Variants in C14orf39 observed in about 807,000 individuals in gnomAD.
C14orf39 encodes the protein protein SIX6OS1.
C14orf39 carries 66 observed loss-of-function variants against 85.6 expected under a neutral mutation model. The observed-to-expected ratio is 0.77, with a 90% CI of 0.63 to 0.95. C14orf39 has a LOEUF of 0.95. Ranked by LOEUF, C14orf39 falls within the 40% of genes least tolerant of loss-of-function variation. The pLI is 0.00. For synonymous variants in C14orf39, 242 were observed against 214.0 expected (o/e 1.13, Z -1.14); for missense variants, 735 against 663.9 (o/e 1.11, Z -1.18).
intron 16 of C14orf39, among the ~76,000 whole-genome samples, chr14:60,445,769 G>C (rs1040241067): frequency 6.6e-6 from 1 of 152,162 alleles, no homozygotes; most frequent in South Asian, 2.1e-4. Flanking sequence ...ATTCTTCTCA[G>C]CACCACATTG....
chr14:60,459,165 T>A (rs1891410075), intron 13 of C14orf39, among the ~76,000 whole-genome samples: 2 of 151,780 alleles, frequency 1.3e-5, no homozygotes. Context: ...ATGTTTTGGT[T>A]TTTGTTTTGC....
chr14:60,499,949 T>C lies in C14orf39; in HGVS notation c.-143-519A>G, dbSNP rs1464753699. ...ATGCCCATTTTAAAAAATGAGAAATTATTTTTCATCTATCAAGTTGGGAAA... is the reference window on the plus strand; with the variant it reads ...ATGCCCATTTTAAAAAATGAGAAATCATTTTTCATCTATCAAGTTGGGAAA... On this transcript the variant is annotated intron_variant, in intron 1 of 5. Transcript: ENST00000556799. Among the ~76,000 whole-genome samples the C allele has an allele frequency of 2.0e-5, 3 of 152,204 alleles. No homozygotes were observed. In the East Asian group the frequency reaches 5.8e-4, roughly 29 times the overall value.
rs371871620 is a variant in C14orf39 at position 60,455,065 on chromosome 14, G to A, written c.1439C>T (p.Ser480Phe). 30 of 1,579,058 alleles carry A rather than the reference G, an allele frequency of 1.9e-5. No homozygotes were observed. Among genetic ancestry groups the A allele is most frequent in the Non-Finnish European group, 2.5e-5 (29 of 1,166,206 alleles). ...PGLSFLMSYT[S>F]RSPGLNLFDS... ...AAATAAATTCAATCCAGGTGATCTA[G>A]AAGTATAACTCATAAGAAAAGAAAG... The change falls in exon 16 of 18, where the codon TCT becomes TTT. Residue 480 changes from serine (S) to phenylalanine (F), a missense_variant. Transcript: ENST00000321731.
At chr14:60,449,224 A>C (rs1460416158) in intron 16 of C14orf39, among the ~76,000 whole-genome samples, 2 of 152,110 alleles carry the variant, frequency 1.3e-5, no homozygotes, top group Non-Finnish European at 2.9e-5. Flanking sequence ...AATCAAACCC[A>C]ATTATTTTCT....
At chr14:60,483,666 A>G in intron 4 of C14orf39, 25 bp downstream of exon 4, 1 of 1,563,888 alleles carries the variant, frequency 6.4e-7, no homozygotes, top group Non-Finnish European at 8.7e-7. Context: ...GAATGCAATG[A>G]AAATTGATTC....
In C14orf39 at chr14:60,483,833, G is replaced by A; in HGVS notation, c.107-16C>T. 1 of 1,451,850 alleles carries A rather than the reference G, an allele frequency of 6.9e-7. No homozygotes were observed. The highest frequency in any genetic ancestry group is 9.5e-7 in the Non-Finnish European group (1 of 1,056,514). 89.9% of individuals were successfully genotyped at this position (1,451,850 alleles called of 1,614,324 possible). ...TCACAGCATTCTACAAAGAGAAAAT[G>A]TTTATTTTCTTAATGTAGAAATAAT... On this transcript the variant is annotated splice_polypyrimidine_tract_variant and intron_variant, in intron 3 of 17. Transcript: ENST00000321731.
At chr14:60,471,299 T>G (rs1595471926) in intron 7 of C14orf39, 118 bp downstream of exon 7, 1 of 884,816 alleles carries the variant, frequency 1.1e-6, no homozygotes, top group Non-Finnish European at 1.7e-6. Context: ...TTTTTAAATA[T>G]TTTAATTAAA....
intron 5 of C14orf39, among the ~76,000 whole-genome samples, chr14:60,477,746 C>T (rs934280791): frequency 1.3e-5 from 2 of 152,168 alleles, no homozygotes; most frequent in Non-Finnish European, 2.9e-5. Flanking sequence ...TTGATGGACT[C>T]TGCTATAATA....
chr14:60,466,177 TA>T, intron 10 of C14orf39, 122 bp from the exon 11 acceptor site: 1 of 443,098 alleles, frequency 2.3e-6, no homozygotes, highest in Non-Finnish European at 3.9e-6. Flanking sequence ...TAATTTAAAT[TA>T]AAATACGGAA....
intron 17 of C14orf39, among the ~76,000 whole-genome samples, chr14:60,441,698 T>A (rs753314913): frequency 6.7e-6 from 1 of 150,012 alleles, no homozygotes; most frequent in Non-Finnish European, 1.5e-5. Context: ...AATTAATCAA[T>A]CAAAGGAAAA....
rs752890473 is a variant in C14orf39 at position 60,468,454 on chromosome 14, A to T, written c.758T>A (p.Leu253Gln). The part of the protein sequence containing the change: ...KNKNTENRKE[L>Q]KERIFGKDEH... ...TAAAGGTTACCTATACCTTTCTTTC[A>T]GTTCTTTTCTGTTTTCTGTATTTTT... Residue 253 changes from leucine (L) to glutamine (Q), a missense_variant, in exon 9 of 18, where the codon CTG becomes CAG. Physicochemically the swap from Leu to Gln is moderately radical, Grantham distance 113. Transcript: ENST00000321731. The T allele has an allele frequency of 1.3e-6, 2 of 1,575,722 alleles. No homozygotes were observed. Among genetic ancestry groups the T allele is most frequent in the South Asian group, 1.2e-5 (1 of 85,604 alleles).
chr14:60,500,752 C>T (rs1468812952), intron 1 of C14orf39, among the ~76,000 whole-genome samples: 1 of 152,108 alleles, frequency 6.6e-6, no homozygotes, highest in East Asian at 1.9e-4. Flanking sequence ...ATGCACCTAG[C>T]ACTAATAGTA....
rs138630974 is a variant in C14orf39, at chr14:60,479,095, A to T, written c.234-706T>A. 6.9e-3 allele frequency among the ~76,000 whole-genome samples: 1,053 copies of T among 152,260 alleles called. 12 individuals are homozygous for T. The highest frequency in any genetic ancestry group is 0.024 in the African/African-American group (982 of 41,552). On this transcript the variant is annotated intron_variant, in intron 4 of 17. Transcript: ENST00000321731. ...CATGCCCAATTTGGAAGCACAGAAAAGTATGTGTAAGAAAATAACTATTAA... is the reference window on the plus strand; with the variant it reads ...CATGCCCAATTTGGAAGCACAGAAATGTATGTGTAAGAAAATAACTATTAA...
intron 1 of C14orf39, chr14:60,509,022 C>A: frequency 3.5e-6 from 1 of 287,438 alleles, no homozygotes; most frequent in Non-Finnish European, 6.6e-6. Context: ...TAACGGCGGG[C>A]GCTGTCGAGC....
At chr14:60,511,517 T>C (rs1319919326) in intron 1 of C14orf39, 1 of 580,828 alleles carries the variant, frequency 1.7e-6, no homozygotes, top group African/African-American at 1.9e-5. Context: ...CTAAGGATTT[T>C]GCTGCAAAGT....
chr14:60,474,535 G>T (rs1483924717), intron 5 of C14orf39, among the ~76,000 whole-genome samples: 1 of 150,156 alleles, frequency 6.7e-6, no homozygotes, highest in Non-Finnish European at 1.5e-5. Context: ...TTGGCTGTGG[G>T]TTTGTCATAA....
At chr14:60,494,155 G>A in intron 2 of C14orf39, 1 of 318,004 alleles carries the variant, frequency 3.1e-6, no homozygotes. Flanking sequence ...ATTTCCTTGG[G>A]AAACATTTCT....
At position 60,469,649 on chromosome 14, in the gene C14orf39, T is replaced by G; in HGVS notation, c.559A>C (p.Asn187His). 7.9e-7 allele frequency: 1 copy of G among 1,270,420 alleles called. No homozygotes were observed. The highest frequency in any genetic ancestry group is 1.1e-6 in the Non-Finnish European group (1 of 926,298). 78.7% of individuals were successfully genotyped at this position (1,270,420 alleles called of 1,614,324 possible). ...ATATCTTGTGTTTCACATCTCAAAT[T>G]AACACTTTTTATGTTAAGGAACTAT... ...SLTKWTLNIV[N>H]LRCETQDILK... Residue 187 changes from asparagine to histidine, a missense_variant, in exon 8 of 18, where the codon AAT (asparagine) becomes CAT (histidine). By Grantham distance (68) the Asn-to-His change is moderately conservative. Transcript: ENST00000321731.
intron 10 of C14orf39, among the ~76,000 whole-genome samples, chr14:60,466,589 ACCTG>A (rs1891800429): frequency 6.6e-6 from 1 of 151,936 alleles, no homozygotes; most frequent in Non-Finnish European, 1.5e-5. Flanking sequence ...TAAGTCTTTT[ACCTG>A]CCTAAGTCAC....
Sources: allele counts gnomAD v4.1 joint callset (sites outside exome capture counted in the v4.1 genomes callset), GRCh38; gene constraint gnomAD v4.1.1; transcripts MANE v1.5; gene names NCBI Gene and HGNC (gene_info 2026-07-23, HGNC 2026-07-21).